The following TACC2 variants were observed in gnomAD, a reference collection of about 807,000 sequenced individuals.
TACC2 encodes the protein transforming acidic coiled-coil-containing protein 2.
Under a neutral mutation model 227.3 loss-of-function variants are expected in TACC2, and 137 were observed. The ratio of observed to expected loss-of-function variants is 0.60; its 90% CI spans 0.52 to 0.69. The LOEUF (loss-of-function observed/expected upper bound fraction) is 0.69, where lower values mean the gene tolerates loss of function less well. Among genes scored for constraint, TACC2 ranks in the 30% least tolerant of loss-of-function variants. The probability of loss-of-function intolerance (pLI) is 0.00; values close to 1 mark genes in which losing one functional copy is unlikely to be tolerated. For synonymous variants in TACC2, 1,523 were observed against 1,487.5 expected (o/e 1.02, Z -0.55); for missense variants, 3,470 against 3,694.4 (o/e 0.94, Z 1.57).
At chr10:122,133,999 A>T (rs1002388307) in intron 6 of TACC2, among the ~76,000 whole-genome samples, 16 of 152,104 alleles carry the variant, frequency 1.1e-4, no homozygotes, top group Non-Finnish European at 5.9e-5. Flanking sequence ...CAGGCGGCCG[A>T]CAGCACCAAG....
chr10:122,201,940 T>C (rs1215130817), intron 8 of TACC2, among the ~76,000 whole-genome samples: 1 of 151,958 alleles, frequency 6.6e-6, no homozygotes, highest in East Asian at 1.9e-4. Context: ...TTTATGACTC[T>C]GCGCTCTTTG....
chr10:122,088,529 TG>T lies in TACC2; in HGVS notation c.5512del (p.Ala1838LeufsTer42). The stretch of plus-strand genomic sequence containing the variant: ...TGTTACCTTCGGTTCCTAAGAAGGA[TG>T]CTCCAAGAGTCATGGATAAAGTCAC... ...SMLPSVPKKD[A>X]PRVMDKVTSD... On this transcript the variant is annotated frameshift_variant, in exon 5 of 23. Transcript: ENST00000369005. LOFTEE classifies it high-confidence loss of function. The T allele has an allele frequency of 6.2e-7, 1 of 1,613,914 alleles. No individual in the cohort carries two copies. The highest frequency in any genetic ancestry group is 8.5e-7 in the Non-Finnish European group (1 of 1,179,946).
intron 1 of TACC2, among the ~76,000 whole-genome samples, chr10:122,005,472 C>T (rs1954972372): frequency 2.0e-5 from 3 of 151,134 alleles, no homozygotes; most frequent in African/African-American, 7.3e-5. Context: ...GCAAGCTCCA[C>T]CTCCTGGGTT....
rs975101511 is a variant in TACC2, at chr10:122,180,897, C to T, written c.5835-14143C>T. Among the ~76,000 whole-genome samples the T allele has an allele frequency of 1.3e-5, 2 of 152,114 alleles. No homozygotes were observed. The highest frequency in any genetic ancestry group is 4.8e-5 in the African/African-American group (2 of 41,422). The stretch of plus-strand genomic sequence containing the variant: ...CAGCTGGGATTACAGGCACGCGCCC[C>T]CATGTCCACCTAATTTTTATATTTT... On this transcript the variant is annotated intron_variant, in intron 7 of 22. Coordinates refer to ENST00000369005, the MANE Select transcript of TACC2 (RefSeq NM_206862.4). This position sits in a 1 kb window ranked among gnomAD's most constrained non-coding sequence, Gnocchi z 4.5.
intron 8 of TACC2, among the ~76,000 whole-genome samples, chr10:122,207,324 A>G (rs2095148471): frequency 6.6e-6 from 1 of 151,516 alleles, no homozygotes; most frequent in East Asian, 1.9e-4. Flanking sequence ...GTAGGCGAGC[A>G]GGGAGGACTT....
chr10:122,024,099 G>A (rs969308476), intron 2 of TACC2, among the ~76,000 whole-genome samples: 3 of 152,140 alleles, frequency 2.0e-5, no homozygotes, highest in African/African-American at 4.8e-5. Flanking sequence ...CAAGTACGGC[G>A]GCTCATACCT....
At chr10:122,223,105 G>C (rs1226131499) in intron 11 of TACC2, among the ~76,000 whole-genome samples, 1 of 143,890 alleles carries the variant, frequency 6.9e-6, no homozygotes, top group South Asian at 2.2e-4. Flanking sequence ...CCAGGTTGGA[G>C]TGCAGTGGTG....
rs2137173017 is a variant in TACC2 at position 122,087,429 on chromosome 10, G to A, written c.4929G>A (p.Val1643=). Residue 1643 remains valine (V), a synonymous_variant, in exon 4 of 23, where the codon GTG becomes GTA. Coordinates refer to ENST00000369005, the MANE Select transcript of TACC2 (RefSeq NM_206862.4). ...APSPQREVLT[V]PEANSEPWTL... is the part of the protein sequence containing the mutation. ...CTCCTCAGAGGGAGGTTTTGACTGT[G>A]CCTGAGGCCAACAGTGAGCCCTGGA... The A allele has an allele frequency of 3.1e-6, 5 of 1,614,074 alleles. No homozygotes were observed. The East Asian group carries it at 1.1e-4, about 36-fold the overall frequency.
intron 7 of TACC2, among the ~76,000 whole-genome samples, chr10:122,171,038 T>G (rs2093447592): frequency 6.6e-6 from 1 of 152,204 alleles, no homozygotes; most frequent in Admixed American, 6.5e-5. Flanking sequence ...TTAGGGGCCG[T>G]GAGCAATAGA....
At chr10:121,995,409 A>C (rs562402662) in intron 1 of TACC2, among the ~76,000 whole-genome samples, 16 of 152,332 alleles carry the variant, frequency 1.1e-4, no homozygotes, top group African/African-American at 3.8e-4. Context: ...CCTGTTCCAT[A>C]AAACAGAAAC....
chr10:122,138,873 T>A (rs2090097203), intron 6 of TACC2, among the ~76,000 whole-genome samples: 1 of 152,268 alleles, frequency 6.6e-6, no homozygotes, highest in Non-Finnish European at 1.5e-5. Context: ...GCTTTATCTG[T>A]ATAGGCAGAT....
chr10:122,143,380 C>T (rs1232681361), intron 6 of TACC2, among the ~76,000 whole-genome samples, 192 bp from the exon 7 acceptor site: 3 of 150,220 alleles, frequency 2.0e-5, no homozygotes, highest in African/African-American at 7.3e-5. Flanking sequence ...CTGGGAGCCA[C>T]TTCGTTGCAG....
intron 3 of TACC2, 111 bp from the exon 4 acceptor site, chr10:122,082,536 G>A (rs1035274806): frequency 1.3e-5 from 15 of 1,189,774 alleles, no homozygotes; most frequent in South Asian, 2.9e-5. Flanking sequence ...CTGTGTCTGT[G>A]GTTAGGGCAC....
At position 121,994,072 on chromosome 10, in the gene TACC2, G is replaced by A. The variant is rs975689423; in HGVS notation, c.-46+4584G>A. Among the ~76,000 whole-genome samples the A allele has an allele frequency of 3.3e-5, 5 of 152,208 alleles. No homozygotes were observed. The South Asian group carries it at 8.3e-4, about 25-fold the overall frequency. The stretch of plus-strand genomic sequence containing the variant: ...TCCTCACCCTTTCTCCAGCCGCTTC[G>A]TTTCCCATTGTATGATTGCATCTTT... On this transcript the variant is annotated intron_variant, in intron 1 of 22. Coordinates refer to ENST00000369005, the MANE Select transcript of TACC2 (RefSeq NM_206862.4).
intron 2 of TACC2, among the ~76,000 whole-genome samples, chr10:122,027,456 C>T (rs1201833490): frequency 1.3e-5 from 2 of 152,040 alleles, no homozygotes; most frequent in African/African-American, 2.4e-5. Context: ...TTTTAACCTA[C>T]GAATGTCCAT....
At chr10:122,183,981 G>T (rs1296183230) in intron 7 of TACC2, among the ~76,000 whole-genome samples, 3 of 152,182 alleles carry the variant, frequency 2.0e-5, no homozygotes, top group African/African-American at 7.2e-5. Context: ...GGAATAAATA[G>T]GTCCTTCTGA....
At chr10:122,176,353 G>A (rs544768651) in intron 7 of TACC2, among the ~76,000 whole-genome samples, 38 of 151,868 alleles carry the variant, frequency 2.5e-4, no homozygotes, top group Non-Finnish European at 4.9e-4. Context: ...TTGGAAATTG[G>A]CATTCCTGAA....
chr10:122,051,935 C>A (rs1415193291), intron 3 of TACC2: 1 of 151,888 alleles, frequency 6.6e-6, no homozygotes, highest in Non-Finnish European at 1.5e-5. Flanking sequence ...AGGGAAATGG[C>A]AATCAGATGG....
chr10:122,122,617 G>T (rs2086064390), intron 5 of TACC2, among the ~76,000 whole-genome samples: 1 of 151,968 alleles, frequency 6.6e-6, no homozygotes, highest in Non-Finnish European at 1.5e-5. Context: ...TTTCCCCGGG[G>T]TCCTGTGGGA....
Sources: gnomAD v4.1 joint callset for allele counts (sites outside exome capture counted in the v4.1 genomes callset) on GRCh38, gnomAD v4.1.1 for gene constraint, Gnocchi (gnomAD v3.1) non-coding constraint, MANE v1.5 for transcripts, NCBI Gene and HGNC (gene_info 2026-07-23, HGNC 2026-07-21) for gene names.